The following IMMP2L variants were observed in gnomAD, a reference collection of about 807,000 sequenced individuals.
IMMP2L encodes the protein inner mitochondrial membrane peptidase subunit 2, also known as mitochondrial inner membrane protease subunit 2.
In IMMP2L, 18 loss-of-function variants were observed where a neutral mutation model predicts 19.3. The observed-to-expected ratio is 0.93, with a 90% CI of 0.64 to 1.38. The LOEUF is 1.38. Among genes scored for constraint, IMMP2L ranks in the 40% most tolerant of loss-of-function variants. IMMP2L has a pLI of 0.00. For missense variants in IMMP2L, 233 were observed against 218.2 expected, an observed-to-expected ratio of 1.07 and a Z score of -0.43; for synonymous variants, 76 against 73.0, an observed-to-expected ratio of 1.04 and a Z score of -0.21.
intron 4 of IMMP2L, among the ~76,000 whole-genome samples, chr7:110,950,366 T>G (rs1817667920): frequency 6.6e-6 from 1 of 152,096 alleles, no homozygotes; most frequent in African/African-American, 2.4e-5. Context: ...TACTGTAGCT[T>G]TGTAACATAT....
intron 3 of IMMP2L, among the ~76,000 whole-genome samples, chr7:111,204,528 TATG>T (rs1810494921): frequency 6.6e-6 from 1 of 152,154 alleles, no homozygotes; most frequent in African/African-American, 2.4e-5. Context: ...AGTAGCTATA[TATG>T]ATATTATAAT....
rs1351467263 is a variant in IMMP2L, at chr7:110,877,338, T to C, written c.408+9255A>G. ...AGTTGCCTTGGCAAAGTTCACAGTC[T>C]TTTCACACACAGAATCACTGTGCAA... On this transcript the variant is annotated intron_variant, in intron 5 of 5. Transcript: ENST00000405709. This position sits in a 1 kb window ranked among gnomAD's most constrained non-coding sequence, Gnocchi z 4.0. Among the ~76,000 whole-genome samples, 2 of 152,144 alleles carry C rather than the reference T, an allele frequency of 1.3e-5. No individual in the cohort carries two copies. Among genetic ancestry groups the C allele is most frequent in the Non-Finnish European group, 2.9e-5 (2 of 68,042 alleles).
chr7:111,050,556 T>A (rs1792908781), intron 3 of IMMP2L, among the ~76,000 whole-genome samples: 1 of 152,206 alleles, frequency 6.6e-6, no homozygotes, highest in African/African-American at 2.4e-5. Context: ...GGGACATCTT[T>A]TTTGCTGCTT....
At chr7:111,031,416 G>C (rs145856036) in intron 3 of IMMP2L, among the ~76,000 whole-genome samples, 1,796 of 148,410 alleles carry the variant, frequency 0.012, 44 homozygotes, top group African/African-American at 0.044. Context: ...GTGAGAGAAA[G>C]AGAAATCCTA....
At chr7:111,477,190 ATGGCTCTGAT>A (rs1229132463) in intron 3 of IMMP2L, among the ~76,000 whole-genome samples, 15 of 152,134 alleles carry the variant, frequency 9.9e-5, no homozygotes, top group Non-Finnish European at 7.4e-5. Flanking sequence ...ATTTCCAGGA[ATGGCTCTGAT>A]TGGCCCTGCT....
At chr7:111,229,392 A>G (rs1320064225) in intron 3 of IMMP2L, among the ~76,000 whole-genome samples, 1 of 152,018 alleles carries the variant, frequency 6.6e-6, no homozygotes, top group African/African-American at 2.4e-5. Flanking sequence ...ATGTGAAATG[A>G]TTTTATCAGT....
At chr7:111,122,873 C>T (rs761418614) in intron 3 of IMMP2L, 53 of 1,613,772 alleles carry the variant, frequency 3.3e-5, no homozygotes, top group Admixed American at 5.0e-5. Flanking sequence ...CGGTTATGTA[C>T]GTGTGAAATC....
chr7:111,239,578 A>T (rs761725975), intron 3 of IMMP2L, among the ~76,000 whole-genome samples: 1 of 152,004 alleles, frequency 6.6e-6, no homozygotes, highest in African/African-American at 2.4e-5. Flanking sequence ...TAGAAAACAG[A>T]CAACCACATG....
intron 3 of IMMP2L, among the ~76,000 whole-genome samples, chr7:111,450,453 T>C (rs1274102191): frequency 1.3e-5 from 2 of 151,928 alleles, no homozygotes; most frequent in African/African-American, 4.8e-5. Context: ...AAACAAGCAA[T>C]GGGGAAAGGA....
At chr7:111,069,961 T>C (rs1315474316) in intron 3 of IMMP2L, among the ~76,000 whole-genome samples, 9 of 152,136 alleles carry the variant, frequency 5.9e-5, no homozygotes, top group Non-Finnish European at 1.2e-4. Context: ...ATCCCTAAAG[T>C]TTCACATCCA....
intron 3 of IMMP2L, among the ~76,000 whole-genome samples, chr7:111,110,143 A>C (rs1030813369): frequency 4.6e-5 from 7 of 152,292 alleles, no homozygotes; most frequent in African/African-American, 1.7e-4. Flanking sequence ...TCAAAAAATA[A>C]AGTCTTTAGG....
chr7:111,283,904 G>T (rs1022635006), intron 3 of IMMP2L, among the ~76,000 whole-genome samples: 121 of 146,744 alleles, frequency 8.2e-4, no homozygotes, highest in Middle Eastern at 3.6e-3. Context: ...CCGGGAGGCG[G>T]AGCTTGCAGT....
chr7:110,871,736 T>C (rs1173787629), intron 5 of IMMP2L, among the ~76,000 whole-genome samples: 2 of 152,154 alleles, frequency 1.3e-5, no homozygotes, highest in Non-Finnish European at 2.9e-5. Flanking sequence ...ACTTTAATAG[T>C]TCTTAATCTA....
chr7:111,289,029 C>T (rs989341074), intron 3 of IMMP2L, among the ~76,000 whole-genome samples: 2 of 152,050 alleles, frequency 1.3e-5, no homozygotes, highest in Non-Finnish European at 2.9e-5. Context: ...AAATGCCCAT[C>T]AATGATAGAC....
chr7:111,274,183 TAATC>T (rs1259085132), intron 3 of IMMP2L, among the ~76,000 whole-genome samples: 1 of 152,094 alleles, frequency 6.6e-6, no homozygotes, highest in Non-Finnish European at 1.5e-5. Flanking sequence ...TTAGTGATAA[TAATC>T]AAGCAATTCC....
intron 5 of IMMP2L, among the ~76,000 whole-genome samples, chr7:110,730,622 T>A: frequency 6.6e-6 from 1 of 152,060 alleles, no homozygotes; most frequent in South Asian, 2.1e-4. Flanking sequence ...CCTCCCGGGT[T>A]CAGGCCATTC....
intron 1 of IMMP2L, among the ~76,000 whole-genome samples, chr7:111,526,216 T>C (rs1275146400): frequency 6.6e-6 from 1 of 152,216 alleles, no homozygotes; most frequent in African/African-American, 2.4e-5. Flanking sequence ...TGGCTAAGCA[T>C]ACAGTATAGT....
At chr7:111,046,894 A>C (rs1792452352) in intron 3 of IMMP2L, among the ~76,000 whole-genome samples, 1 of 152,182 alleles carries the variant, frequency 6.6e-6, no homozygotes, top group Admixed American at 6.5e-5. Flanking sequence ...TACATCTAAC[A>C]CAAGCTAATC....
intron 2 of IMMP2L, among the ~76,000 whole-genome samples, chr7:111,515,336 A>G (rs763072387): frequency 2.0e-5 from 3 of 152,248 alleles, no homozygotes; most frequent in East Asian, 3.9e-4. Flanking sequence ...CTTACAGAAC[A>G]GATTTTTGCT....
Sources: allele counts gnomAD v4.1 joint callset (sites outside exome capture counted in the v4.1 genomes callset), GRCh38; gene constraint gnomAD v4.1.1; non-coding constraint Gnocchi (gnomAD v3.1); transcripts MANE v1.5; gene names NCBI Gene and HGNC (gene_info 2026-07-23, HGNC 2026-07-21).